The following DHTKD1 variants were observed in gnomAD, a reference collection of about 807,000 sequenced individuals.
DHTKD1 encodes 2-oxoadipate dehydrogenase complex component E1.
Under a neutral mutation model 101.8 loss-of-function variants are expected in DHTKD1, and 78 were observed. The ratio of observed to expected loss-of-function variants is 0.77; its 90% confidence interval spans 0.64 to 0.93. DHTKD1 has a LOEUF of 0.93. Ranked by LOEUF, DHTKD1 falls within the 40% of genes least tolerant of loss-of-function variation. The pLI is 0.00. For missense variants in DHTKD1, 1,223 were observed against 1,161.7 expected (o/e 1.05, Z -0.77); for synonymous variants, 462 against 450.3 (o/e 1.03, Z -0.33).
intron 10 of DHTKD1, among the ~76,000 whole-genome samples, chr10:12,102,942 A>C (rs749296883): frequency 1.3e-5 from 2 of 150,774 alleles, no homozygotes; most frequent in Non-Finnish European, 3.0e-5. Context: ...TATTATTTAG[A>C]CCTGGCACGG....
chr10:12,091,483 C>T (rs1387514456), intron 5 of DHTKD1, 30 bp from the exon 6 acceptor site: 2 of 1,460,444 alleles, frequency 1.4e-6, no homozygotes, highest in African/African-American at 1.4e-5. Flanking sequence ...TTCTTTTCTC[C>T]CCACCCGCTC....
chr10:12,115,183 G>A (rs1178214093), intron 13 of DHTKD1, among the ~76,000 whole-genome samples: 2 of 151,942 alleles, frequency 1.3e-5, no homozygotes, highest in African/African-American at 2.4e-5. Flanking sequence ...TGCAAACTCC[G>A]CCTCCCAGGC....
At chr10:12,086,102 T>A (rs1832892233) in intron 3 of DHTKD1, among the ~76,000 whole-genome samples, 1 of 151,872 alleles carries the variant, frequency 6.6e-6, no homozygotes, top group South Asian at 2.1e-4. Flanking sequence ...TCTCCTGACT[T>A]CATGATCCAC....
Position 12,097,674 on chromosome 10 carries a change from T to C in DHTKD1, c.1359-10T>C, listed in dbSNP as rs895734606. ...CAGACTGATTTTTGTTTCTTCTCTT[T>C]CTTGGGCAGAGCTCGAAAGAGCATT... On this transcript the variant is annotated splice_polypyrimidine_tract_variant and intron_variant, in intron 7 of 16. Transcript: ENST00000263035. The C allele has an allele frequency of 3.8e-6, 6 of 1,598,942 alleles. No individual in the cohort carries two copies. In the African/African-American group the frequency reaches 6.7e-5, roughly 18 times the overall value.
chr10:12,086,997 T>G (rs1026307245), intron 3 of DHTKD1, among the ~76,000 whole-genome samples: 1 of 152,130 alleles, frequency 6.6e-6, no homozygotes, highest in Non-Finnish European at 1.5e-5. Context: ...TGGTCTTACT[T>G]CTTAAGAACT....
At chr10:12,112,789 T>G (rs563478194) in intron 12 of DHTKD1, 111 bp from the exon 13 acceptor site, 184 of 1,094,336 alleles carry the variant, frequency 1.7e-4, no homozygotes, top group African/African-American at 1.6e-3. Flanking sequence ...GGGCAATAGC[T>G]TTTCTGCTAT....
At chr10:12,069,738 A>C in intron 1 of DHTKD1, among the ~76,000 whole-genome samples, 1 of 114,330 alleles carries the variant, frequency 8.7e-6, no homozygotes, top group African/African-American at 3.4e-5. Context: ...GGGTCCCACC[A>C]TGTTGCCCAG....
chr10:12,077,480 G>A (rs1340121135), intron 1 of DHTKD1, among the ~76,000 whole-genome samples: 1 of 152,004 alleles, frequency 6.6e-6, no homozygotes, highest in East Asian at 1.9e-4. Context: ...GGTCACCTTG[G>A]CCCGCCTTGG....
intron 4 of DHTKD1, 22 bp from the exon 5 acceptor site, chr10:12,088,964 C>T (rs750343717): frequency 8.1e-5 from 129 of 1,589,256 alleles, no homozygotes; most frequent in Admixed American, 5.9e-4. Context: ...CATTTTTTTC[C>T]TTTTGAATGT....
In DHTKD1 at chr10:12,096,377, G is replaced by T. The variant is rs191668786; in HGVS notation, c.1359-1307G>T. Among the ~76,000 whole-genome samples the T allele has an allele frequency of 5.3e-5, 8 of 152,146 alleles. No homozygotes were observed. In the East Asian group the frequency reaches 1.5e-3, roughly 29 times the overall value. On this transcript the variant is annotated intron_variant, in intron 7 of 16. Coordinates refer to ENST00000263035, the MANE Select transcript of DHTKD1 (RefSeq NM_018706.7). ...GCTGAATGACTCAGTGAACCTCAGG[G>T]TTCTATTTTATTTTATTTATTTTTT...
chr10:12,074,505 G>A (rs981169203), intron 1 of DHTKD1, among the ~76,000 whole-genome samples: 6 of 151,878 alleles, frequency 4.0e-5, no homozygotes, highest in African/African-American at 7.3e-5. Context: ...ACAGGTGCCC[G>A]CCACCATGCC....
At chr10:12,105,841 C>A (rs1833237894) in intron 10 of DHTKD1, among the ~76,000 whole-genome samples, 1 of 151,966 alleles carries the variant, frequency 6.6e-6, no homozygotes, top group South Asian at 2.1e-4. Context: ...CATGCTGTAA[C>A]CCCAGCACTT....
At chr10:12,090,970 C>T (rs1052068440) in intron 5 of DHTKD1, among the ~76,000 whole-genome samples, 4 of 152,040 alleles carry the variant, frequency 2.6e-5, no homozygotes, top group South Asian at 2.1e-4. Context: ...AGGAGAATGG[C>T]GTGAACCCCG....
At chr10:12,114,210 C>T (rs779263084) in intron 13 of DHTKD1, among the ~76,000 whole-genome samples, 1 of 151,766 alleles carries the variant, frequency 6.6e-6, no homozygotes, top group Non-Finnish European at 1.5e-5. Flanking sequence ...TAGAAATGTT[C>T]AAAATAATAA....
chr10:12,089,326 G>A, intron 5 of DHTKD1, 71 bp downstream of exon 5: 2 of 1,409,384 alleles, frequency 1.4e-6, no homozygotes, highest in South Asian at 2.5e-5. Flanking sequence ...TGGGAGGGCT[G>A]AAAGCACATG....
At chr10:12,074,877 G>A (rs536228554) in intron 1 of DHTKD1, among the ~76,000 whole-genome samples, 3 of 152,106 alleles carry the variant, frequency 2.0e-5, no homozygotes, top group South Asian at 2.1e-4. Flanking sequence ...TATTGAAAAC[G>A]TCCCCTTAGA....
intron 1 of DHTKD1, among the ~76,000 whole-genome samples, chr10:12,072,799 C>T (rs886138581): frequency 2.0e-5 from 3 of 151,248 alleles, no homozygotes; most frequent in Admixed American, 6.6e-5. Flanking sequence ...TGCAATGGCA[C>T]GATCTCAGCT....
Position 12,093,233 on chromosome 10 carries a change from G to A in DHTKD1, c.1160-840G>A, listed in dbSNP as rs554253583. 2.4e-3 allele frequency among the ~76,000 whole-genome samples: 362 copies of A among 152,088 alleles called. 2 individuals carry two copies. Among genetic ancestry groups the A allele is most frequent in the Middle Eastern group, 0.014 (4 of 294 alleles). On this transcript the variant is annotated intron_variant, in intron 6 of 16. Transcript: ENST00000263035. ...TAAATTTTGTGTTTTTAGTAGAGAC[G>A]GGGTTTCACCATGTTGGTCAGGCTG...
At position 12,081,668 on chromosome 10, in the gene DHTKD1, A is replaced by T. The variant is rs1722445; in HGVS notation, c.310+41A>T. ...AGCAGGCGGGAGCTCGGAGCTGCAC[A>T]CCAGGCCAGGCTCCTGCCTCTGTTC... On this transcript the variant is annotated intron_variant, in intron 2 of 16. Coordinates refer to ENST00000263035, the MANE Select transcript of DHTKD1 (RefSeq NM_018706.7). The T allele has an allele frequency of 1.4e-5, 23 of 1,609,826 alleles. No individual in the cohort carries two copies. In the East Asian group the frequency reaches 4.9e-4, roughly 34 times the overall value.
Sources: allele counts gnomAD v4.1 joint callset (sites outside exome capture counted in the v4.1 genomes callset), GRCh38; gene constraint gnomAD v4.1.1; transcripts MANE v1.5; gene names NCBI Gene and HGNC (gene_info 2026-07-23, HGNC 2026-07-21).